Variants in TMEM230 observed in about 807,000 individuals in gnomAD.
TMEM230 encodes the protein UPF0414 transmembrane protein C20orf30.
Under a neutral mutation model 15.8 loss-of-function variants are expected in TMEM230, and 10 were observed. The ratio of observed to expected loss-of-function variants is 0.63; its 90% CI spans 0.39 to 1.07. The LOEUF (loss-of-function observed/expected upper bound fraction) is 1.07, where lower values mean the gene tolerates loss of function less well. Among genes scored for constraint, TMEM230 ranks in the 50% least tolerant of loss-of-function variants. The pLI is 0.01. For synonymous variants in TMEM230, 67 were observed against 76.9 expected, an observed-to-expected ratio of 0.87 and a Z score of 0.68; for missense variants, 165 against 193.3, an observed-to-expected ratio of 0.85 and a Z score of 0.87.
chr20:5,093,935 C>T (rs1426646807), intron 3 of TMEM230, among the ~76,000 whole-genome samples: 1 of 151,608 alleles, frequency 6.6e-6, no homozygotes, highest in Admixed American at 6.6e-5. Flanking sequence ...TCAACAAATC[C>T]GATCAGTGAG....
At chr20:5,102,076 G>A (rs1049905812) in intron 4 of TMEM230, among the ~76,000 whole-genome samples, 1 of 152,164 alleles carries the variant, frequency 6.6e-6, no homozygotes, top group Non-Finnish European at 1.5e-5. Context: ...AACTATGACA[G>A]GGCAAACTGT....
chr20:5,106,132 C>T (rs528031240), intron 4 of TMEM230, 56 bp downstream of exon 3: 5 of 1,562,450 alleles, frequency 3.2e-6, no homozygotes, highest in Middle Eastern at 2.4e-4. Flanking sequence ...CACACTAGAG[C>T]CTTGGCTAAC....
chr20:5,106,074 GACAAACACACACACACACAC>G (rs1446699611), intron 4 of TMEM230, 94 bp downstream of exon 3: 48 of 1,170,714 alleles, frequency 4.1e-5, no homozygotes, highest in African/African-American at 2.5e-4. Context: ...CACTGGGACG[GACAAACACACACACACACAC>G]ACACACACAC....
At chr20:5,068,269 T>G (rs1052651327), downstream of TMEM230, 1 of 152,256 alleles carries the variant, frequency 6.6e-6, no homozygotes, top group Non-Finnish European at 1.5e-5. Flanking sequence ...CCTAGCCACA[T>G]GACCATACCT....
At chr20:5,105,004 G>A (rs905961337) in intron 4 of TMEM230, among the ~76,000 whole-genome samples, 1 of 152,226 alleles carries the variant, frequency 6.6e-6, no homozygotes, top group African/African-American at 2.4e-5. Context: ...AATAACTAAG[G>A]CTGGACGTGG....
At chr20:5,094,774 G>C (rs144095062) in intron 3 of TMEM230, among the ~76,000 whole-genome samples, 278 of 150,418 alleles carry the variant, frequency 1.8e-3, no homozygotes, top group African/African-American at 6.5e-3. Flanking sequence ...TTGGCCTCAA[G>C]GGATCCTCCC....
downstream of TMEM230, among the ~76,000 whole-genome samples, chr20:5,065,809 T>C (rs1300667555): frequency 6.6e-6 from 1 of 152,118 alleles, no homozygotes. Context: ...TTGTATGTAG[T>C]AGGGATCACG....
intron 3 of TMEM230, among the ~76,000 whole-genome samples, chr20:5,082,194 AAAG>A (rs141076079): frequency 0.071 from 10,633 of 150,488 alleles, 477 homozygotes; most frequent in Non-Finnish European, 0.1. Context: ...AATTTTTTAA[AAAG>A]AAGAAGAAAA....
chr20:5,101,299 T>TA (rs1305440742), intron 4 of TMEM230, among the ~76,000 whole-genome samples: 6 of 152,236 alleles, frequency 3.9e-5, no homozygotes, highest in Admixed American at 3.3e-4. Context: ...ACTACAGTTT[T>TA]ACCTAACTGC....
intron 4 of TMEM230, among the ~76,000 whole-genome samples, chr20:5,101,703 T>C (rs1417848435): frequency 5.9e-5 from 9 of 152,200 alleles, no homozygotes; most frequent in Non-Finnish European, 1.3e-4. Context: ...GCTAGAATTA[T>C]AGGCTTGAGC....
chr20:5,067,332 G>T (rs190520182), downstream of TMEM230: 11 of 150,472 alleles, frequency 7.3e-5, no homozygotes, highest in African/African-American at 2.7e-4. Context: ...GGTTTCTGCA[G>T]TGGGAACATG....
At chr20:5,064,871 G>C (rs1480583778), downstream of TMEM230, among the ~76,000 whole-genome samples, 1 of 151,830 alleles carries the variant, frequency 6.6e-6, no homozygotes, top group Non-Finnish European at 1.5e-5. Context: ...TACTTGTACA[G>C]ATTAAAAAAA....
downstream of TMEM230, among the ~76,000 whole-genome samples, chr20:5,096,614 G>C (rs2089671550): frequency 1.3e-5 from 2 of 152,222 alleles, no homozygotes; most frequent in Non-Finnish European, 2.9e-5. Context: ...GTACAGGTAG[G>C]TCATGAACTG....
At chr20:5,105,793 C>CTT (rs2090052125) in intron 4 of TMEM230, among the ~76,000 whole-genome samples, 1 of 151,728 alleles carries the variant, frequency 6.6e-6, no homozygotes, top group African/African-American at 2.4e-5. Flanking sequence ...AATCCCAGCA[C>CTT]TTTGGAAGGC....
At chr20:5,094,524 T>C (rs879316375) in intron 3 of TMEM230, among the ~76,000 whole-genome samples, 1 of 151,268 alleles carries the variant, frequency 6.6e-6, no homozygotes, top group Non-Finnish European at 1.5e-5. Context: ...CTGGACAACA[T>C]GGTAAAACCC....
At position 5,099,933 on chromosome 20, in the gene TMEM230, TA is replaced by T; in HGVS notation, c.*857del. 1.0e-6 allele frequency: 1 copy of T among 985,308 alleles called. No individual in the cohort carries two copies. 61.0% of individuals were successfully genotyped at this position (985,308 alleles called of 1,614,324 possible). A position where few individuals can be genotyped will look rare whatever the true frequency, so the allele number is the denominator to read the frequency against. On this transcript the variant is annotated 3_prime_UTR_variant, in exon 5 of 5. Coordinates refer to ENST00000342308, the MANE Select transcript of TMEM230 (RefSeq NM_001009923.2). ...GGAATATAAGTCACTTTTTGCAAGC[TA>T]AAAAATAGAATCAAACTAAGGTGAT...
chr20:5,076,623 C>T (rs1361617444), intron 3 of TMEM230, among the ~76,000 whole-genome samples: 1 of 150,314 alleles, frequency 6.7e-6, no homozygotes, highest in Non-Finnish European at 1.5e-5. Flanking sequence ...TAACAGGCAT[C>T]TATGTATATT....
intron 4 of TMEM230, among the ~76,000 whole-genome samples, chr20:5,105,107 A>G (rs552079179): frequency 2.0e-5 from 3 of 152,288 alleles, no homozygotes; most frequent in Middle Eastern, 3.4e-3. Flanking sequence ...CAACATGGCA[A>G]AAACCCATCT....
intron 3 of TMEM230, among the ~76,000 whole-genome samples, chr20:5,084,273 G>A (rs1161217407): frequency 2.0e-5 from 3 of 151,216 alleles, no homozygotes; most frequent in Non-Finnish European, 4.4e-5. Context: ...ACCCAGGCTG[G>A]AGTGTAGTGG....
Sources: allele counts gnomAD v4.1 joint callset (sites outside exome capture counted in the v4.1 genomes callset), GRCh38; gene constraint gnomAD v4.1.1; transcripts MANE v1.5; gene names NCBI Gene and HGNC (gene_info 2026-07-23, HGNC 2026-07-21).